The following KAT6B variants were observed in gnomAD, a reference collection of about 807,000 sequenced individuals.
KAT6B encodes lysine acetyltransferase 6B, also known as histone acetyltransferase KAT6B.
KAT6B carries 10 observed loss-of-function variants against 187.5 expected under a neutral mutation model. That is an observed-to-expected ratio of 0.05 (90% CI 0.03 to 0.09). The LOEUF (loss-of-function observed/expected upper bound fraction) is 0.09. Among genes scored for constraint, KAT6B ranks in the 10% least tolerant of loss-of-function variants. KAT6B has a pLI of 1.00. For missense variants in KAT6B, 1,952 were observed against 2,558.9 expected (o/e 0.76, Z 5.12); for synonymous variants, 861 against 926.8 (o/e 0.93, Z 1.29).
Position 74,950,293 on chromosome 10 carries a change from C to T in KAT6B, c.622-9677C>T, listed in dbSNP as rs115024710. Among the ~76,000 whole-genome samples, 709 of 152,262 alleles carry T rather than the reference C, an allele frequency of 4.7e-3. 6 individuals are homozygous for T. Among genetic ancestry groups the T allele is most frequent in the African/African-American group, 0.016 (677 of 41,534 alleles). Reference sequence around the variant, plus strand: ...ATAGAGAAAATGGCGATAGACTTGTCGTAAACAGAGTTCTGTTCTACCCCG... The same window carrying T: ...ATAGAGAAAATGGCGATAGACTTGTTGTAAACAGAGTTCTGTTCTACCCCG... On this transcript the variant is annotated intron_variant, in intron 3 of 17. Coordinates refer to ENST00000287239, the MANE Select transcript of KAT6B (RefSeq NM_012330.4).
At chr10:74,870,213 G>GGTTGAGTCT (rs1468256393) in intron 3 of KAT6B, among the ~76,000 whole-genome samples, 2 of 152,146 alleles carry the variant, frequency 1.3e-5, no homozygotes, top group African/African-American at 4.8e-5. Flanking sequence ...GAGCCTGGGA[G>GGTTGAGTCT]GTTGAGTCTG....
chr10:75,031,190 AGCTGTATGCAGC>A lies in KAT6B; in HGVS notation c.*145_*156del. On this transcript the variant is annotated 3_prime_UTR_variant, in exon 18 of 18. Transcript: ENST00000287239. ...GCACCATTTATTTAAAAAAAAAAAA[AGCTGTATGCAGC>A]AGAAAGCCTTATACAAGTTGTTTTT... 27 of 908,804 alleles carry A rather than the reference AGCTGTATGCAGC, an allele frequency of 3.0e-5. No homozygotes were observed. The highest frequency in any genetic ancestry group is 4.0e-5 in the Non-Finnish European group (24 of 595,008). The allele number at this position is 908,804 out of a possible 1,614,324, so 56.3% of individuals were successfully genotyped here.
At chr10:74,921,040 G>A (rs528669252) in intron 3 of KAT6B, among the ~76,000 whole-genome samples, 172 of 151,210 alleles carry the variant, frequency 1.1e-3, no homozygotes, top group African/African-American at 4.1e-3. Context: ...GATTTGTTGT[G>A]GATTTTTTCC....
chr10:74,927,089 C>T (rs940603971), intron 3 of KAT6B, among the ~76,000 whole-genome samples: 3 of 152,212 alleles, frequency 2.0e-5, no homozygotes, highest in African/African-American at 7.2e-5. Flanking sequence ...GAAATATTAT[C>T]ACAAAATCTC....
chr10:74,928,310 A>C (rs1848639473), intron 3 of KAT6B, among the ~76,000 whole-genome samples: 1 of 152,206 alleles, frequency 6.6e-6, no homozygotes, highest in Non-Finnish European at 1.5e-5. Context: ...TGGTACACTA[A>C]GGCCCTGAAG....
At chr10:74,872,310 G>C (rs1844053774) in intron 3 of KAT6B, among the ~76,000 whole-genome samples, 1 of 152,198 alleles carries the variant, frequency 6.6e-6, no homozygotes, top group African/African-American at 2.4e-5. Context: ...CAACTTGTGA[G>C]GATTCTGCAG....
chr10:74,883,309 TAC>T (rs751883909), intron 3 of KAT6B, among the ~76,000 whole-genome samples: 3 of 152,182 alleles, frequency 2.0e-5, no homozygotes, highest in Non-Finnish European at 2.9e-5. Context: ...GAGGAGAAGA[TAC>T]AGTTTGATTT....
chr10:74,881,072 G>A (rs913307843), intron 3 of KAT6B, among the ~76,000 whole-genome samples: 2 of 151,818 alleles, frequency 1.3e-5, no homozygotes, highest in African/African-American at 4.8e-5. Flanking sequence ...TACAGGTGCA[G>A]CTAATTTTTG....
intron 3 of KAT6B, among the ~76,000 whole-genome samples, chr10:74,926,326 C>T (rs781331507): frequency 3.3e-5 from 5 of 152,126 alleles, no homozygotes; most frequent in Non-Finnish European, 7.4e-5. Context: ...TGGTGGCACA[C>T]GCCTGTAATC....
At chr10:74,924,744 A>ACATT (rs1848370516) in intron 3 of KAT6B, among the ~76,000 whole-genome samples, 1 of 152,210 alleles carries the variant, frequency 6.6e-6, no homozygotes, top group East Asian at 1.9e-4. Context: ...TGCTGATTGG[A>ACATT]CATTCCTTCT....
intron 3 of KAT6B, among the ~76,000 whole-genome samples, chr10:74,881,360 G>T (rs1844839603): frequency 6.6e-6 from 1 of 152,126 alleles, no homozygotes; most frequent in South Asian, 2.1e-4. Context: ...CGTCCATAAG[G>T]TTGTTGTGAG....
In KAT6B at chr10:75,030,971, G is replaced by A. The variant is rs533433915; in HGVS notation, c.6147G>A (p.Thr2049=). The A allele has an allele frequency of 2.2e-5, 36 of 1,613,976 alleles. No homozygotes were observed. In the Admixed American group the frequency reaches 2.7e-4, roughly 12 times the overall value. The change falls in exon 18 of 18, where the codon ACG becomes ACA. Residue 2049 remains threonine (T), a synonymous_variant. Coordinates refer to ENST00000287239, the MANE Select transcript of KAT6B (RefSeq NM_012330.4). The surrounding 1 kb of genome is among the most constrained non-coding windows in gnomAD (Gnocchi z 4.8). ...CACCCCACGGTAACATGATGTACAC[G>A]GCCCCCGGACATCACGGCTACATGA... is the stretch of plus-strand genomic sequence containing the variant. ...QTPPHGNMMY[T]APGHHGYMNT...
intron 3 of KAT6B, among the ~76,000 whole-genome samples, chr10:74,855,114 T>C (rs1231236732): frequency 6.6e-6 from 1 of 152,254 alleles, no homozygotes; most frequent in Non-Finnish European, 1.5e-5. Context: ...TCAGCGACTC[T>C]TCCACAATTC....
At chr10:74,913,529 G>C (rs1847406932) in intron 3 of KAT6B, among the ~76,000 whole-genome samples, 2 of 152,214 alleles carry the variant, frequency 1.3e-5, no homozygotes, top group South Asian at 4.1e-4. Context: ...ACCACAGAAA[G>C]TGAAACTTCA....
intron 3 of KAT6B, among the ~76,000 whole-genome samples, chr10:74,880,642 G>C (rs1236147301): frequency 6.6e-6 from 1 of 152,086 alleles, no homozygotes; most frequent in Non-Finnish European, 1.5e-5. Context: ...TTGAGATGGA[G>C]TTTTGGTCTG....
At chr10:74,980,847 T>C (rs1842465380) in intron 10 of KAT6B, among the ~76,000 whole-genome samples, 2 of 152,180 alleles carry the variant, frequency 1.3e-5, no homozygotes, top group South Asian at 4.1e-4. Context: ...GAAAACAAAT[T>C]AGGTCTTTTG....
intron 3 of KAT6B, among the ~76,000 whole-genome samples, chr10:74,946,887 TACA>T (rs910151767): frequency 1.3e-5 from 2 of 152,200 alleles, no homozygotes; most frequent in African/African-American, 4.8e-5. Context: ...AACTTAGTTG[TACA>T]ACAACGGGAA....
chr10:74,829,300 T>A (rs1230500691), intron 1 of KAT6B, among the ~76,000 whole-genome samples: 1 of 152,210 alleles, frequency 6.6e-6, no homozygotes, highest in Non-Finnish European at 1.5e-5. Flanking sequence ...TTAATAATTT[T>A]AATGTGCTTC....
At chr10:75,011,556 A>T (rs541594448) in intron 13 of KAT6B, among the ~76,000 whole-genome samples, 87 of 152,322 alleles carry the variant, frequency 5.7e-4, no homozygotes, top group Non-Finnish European at 1.0e-3. Flanking sequence ...ACATATTTTT[A>T]AAAATTCTTG....
Sources: allele counts gnomAD v4.1 joint callset (sites outside exome capture counted in the v4.1 genomes callset), GRCh38; gene constraint gnomAD v4.1.1; non-coding constraint Gnocchi (gnomAD v3.1); transcripts MANE v1.5; gene names NCBI Gene and HGNC (gene_info 2026-07-23, HGNC 2026-07-21).